The following ACOXL variants were observed in gnomAD, a reference collection of about 807,000 sequenced individuals.
ACOXL encodes acyl-CoA oxidase like.
A neutral mutation model predicts 71.9 loss-of-function variants in ACOXL; 70 were observed. The observed-to-expected ratio is 0.97, with a 90% confidence interval of 0.80 to 1.19. The LOEUF (loss-of-function observed/expected upper bound fraction) is 1.19, where lower values mean the gene tolerates loss of function less well. ACOXL is among the 50% of genes most tolerant of loss of function. The pLI is 0.00. For synonymous variants in ACOXL, 253 were observed against 281.6 expected, an observed-to-expected ratio of 0.90 and a Z score of 1.02; for missense variants, 703 against 736.3, an observed-to-expected ratio of 0.95 and a Z score of 0.52.
chr2:111,093,162 C>T (rs2068624191), intron 17 of ACOXL, among the ~76,000 whole-genome samples, 196 bp downstream of exon 17: 1 of 149,960 alleles, frequency 6.7e-6, no homozygotes, highest in Admixed American at 6.7e-5. Context: ...GAGTGACTCA[C>T]TGTACATGAG....
At chr2:110,886,681 C>T (rs1275575158) in intron 10 of ACOXL, 1 of 1,461,894 alleles carries the variant, frequency 6.8e-7, no homozygotes, top group Non-Finnish European at 9.3e-7. Context: ...GTCTGTCCCT[C>T]CCCTATCCTT....
intron 9 of ACOXL, among the ~76,000 whole-genome samples, chr2:110,828,445 A>T (rs1689421676): frequency 6.6e-6 from 1 of 152,212 alleles, no homozygotes; most frequent in African/African-American, 2.4e-5. Context: ...GTCTTTCAAA[A>T]GAGCTGTGCT....
rs79245303 is a variant in ACOXL, at chr2:111,061,102, G to T, written c.1440+11814G>T. On this transcript the variant is annotated intron_variant, in intron 16 of 17. Transcript: ENST00000439055. ...AAAAAAAGAAGATGGAGCTAAAAAA[G>T]TACTCAAAGAAATAATAATTGAAAA... Among the ~76,000 whole-genome samples, 663 of 152,136 alleles carry T rather than the reference G, an allele frequency of 4.4e-3. 10 individuals carry two copies. The East Asian group carries it at 0.046, about 11-fold the overall frequency.
chr2:110,863,368 C>G (rs1378053521), intron 10 of ACOXL, among the ~76,000 whole-genome samples: 2 of 152,082 alleles, frequency 1.3e-5, no homozygotes, highest in Non-Finnish European at 1.5e-5. Flanking sequence ...GCTCTGTTTT[C>G]CAAAATATGA....
chr2:110,854,586 A>G (rs1693019319), intron 10 of ACOXL, among the ~76,000 whole-genome samples: 1 of 152,194 alleles, frequency 6.6e-6, no homozygotes, highest in Admixed American at 6.5e-5. Flanking sequence ...CTGGAAGGGC[A>G]GGCCATGCTC....
At chr2:110,968,186 T>C in intron 12 of ACOXL, 1 of 1,129,424 alleles carries the variant, frequency 8.9e-7, no homozygotes, top group South Asian at 1.2e-5. Context: ...ACAGACAACA[T>C]CTATGAAGGC....
intron 10 of ACOXL, among the ~76,000 whole-genome samples, chr2:110,885,827 C>G (rs1443176433): frequency 6.6e-6 from 1 of 152,146 alleles, no homozygotes; most frequent in Non-Finnish European, 1.5e-5. Context: ...TAAGCTATTT[C>G]TTTTGGAATA....
chr2:110,888,419 C>T (rs1697573279), intron 10 of ACOXL, among the ~76,000 whole-genome samples: 1 of 152,228 alleles, frequency 6.6e-6, no homozygotes, highest in African/African-American at 2.4e-5. Context: ...AGAGGCCCCA[C>T]ATGTGGCAGA....
chr2:111,073,298 T>C (rs943974768), intron 16 of ACOXL, among the ~76,000 whole-genome samples: 8 of 149,068 alleles, frequency 5.4e-5, no homozygotes, highest in African/African-American at 1.8e-4. Context: ...TCATGAGTTA[T>C]GCTTTTGATG....
intron 2 of ACOXL, among the ~76,000 whole-genome samples, chr2:110,781,451 C>T (rs1198427406): frequency 2.0e-5 from 3 of 151,742 alleles, no homozygotes; most frequent in African/African-American, 7.3e-5. Flanking sequence ...ACCAGACTGG[C>T]CAGCATGGTG....
At chr2:110,824,532 CTT>C (rs1342243702) in intron 9 of ACOXL, among the ~76,000 whole-genome samples, 1 of 152,108 alleles carries the variant, frequency 6.6e-6, no homozygotes, top group African/African-American at 2.4e-5. Flanking sequence ...TTTTCTCTCT[CTT>C]TTGGGTAATT....
At chr2:111,011,881 T>TAAAAA (rs35965746) in intron 14 of ACOXL, among the ~76,000 whole-genome samples, 46 of 112,552 alleles carry the variant, frequency 4.1e-4, no homozygotes, top group African/African-American at 1.4e-3. Context: ...GAGACTCTGT[T>TAAAAA]AAAAAAAAAA....
chr2:110,815,296 T>A (rs552054568), intron 9 of ACOXL, among the ~76,000 whole-genome samples: 1 of 152,336 alleles, frequency 6.6e-6, no homozygotes, highest in African/African-American at 2.4e-5. Flanking sequence ...GGAACTATAA[T>A]TCAAGATGAG....
intron 12 of ACOXL, among the ~76,000 whole-genome samples, chr2:110,936,110 A>G (rs2060653881): frequency 6.6e-6 from 1 of 152,082 alleles, no homozygotes; most frequent in Admixed American, 6.5e-5. Flanking sequence ...GTACTGGTCC[A>G]TGGCCTGGGG....
chr2:110,769,522 C>G (rs1228489127), intron 2 of ACOXL, among the ~76,000 whole-genome samples: 1 of 151,488 alleles, frequency 6.6e-6, no homozygotes, highest in Non-Finnish European at 1.5e-5. Context: ...GGCACAGTGG[C>G]TCATGCCTGT....
At chr2:111,032,066 C>T (rs536188572) in intron 15 of ACOXL, among the ~76,000 whole-genome samples, 5 of 152,290 alleles carry the variant, frequency 3.3e-5, no homozygotes, top group South Asian at 2.1e-4. Context: ...CGTTCCTAAA[C>T]GGGAGGGTGT....
intron 11 of ACOXL, among the ~76,000 whole-genome samples, chr2:110,912,051 G>A (rs2059669685): frequency 6.6e-6 from 1 of 151,944 alleles, no homozygotes; most frequent in African/African-American, 2.4e-5. Context: ...TATTTCTATA[G>A]ACTAGCAATG....
chr2:111,042,279 T>G (rs1235974264), intron 15 of ACOXL, among the ~76,000 whole-genome samples: 1 of 152,250 alleles, frequency 6.6e-6, no homozygotes, highest in African/African-American at 2.4e-5. Context: ...TACCTCCTAT[T>G]TGCCAGACTT....
intron 9 of ACOXL, among the ~76,000 whole-genome samples, chr2:110,835,457 G>C (rs534269279): frequency 1.3e-5 from 2 of 152,250 alleles, no homozygotes; most frequent in African/African-American, 4.8e-5. Flanking sequence ...GCTTGCCCTT[G>C]GCCTTGAGGA....
Sources: allele counts gnomAD v4.1 joint callset (sites outside exome capture counted in the v4.1 genomes callset), GRCh38; gene constraint gnomAD v4.1.1; transcripts MANE v1.5; gene names NCBI Gene and HGNC (gene_info 2026-07-23, HGNC 2026-07-21).